Variants in CTNNA2 observed in about 807,000 individuals in gnomAD.
The protein encoded by CTNNA2 is catenin alpha-2.
Under a neutral mutation model 101.0 loss-of-function variants are expected in CTNNA2, and 42 were observed. The observed-to-expected ratio is 0.42, with a 90% CI of 0.32 to 0.54. The LOEUF is 0.54. CTNNA2 is among the 20% of genes least tolerant of loss of function. The pLI is 0.14. For missense variants in CTNNA2, 871 were observed against 1,223.1 expected (o/e 0.71, Z 4.29); for synonymous variants, 450 against 456.4 (o/e 0.99, Z 0.18).
intron 1 of CTNNA2, among the ~76,000 whole-genome samples, chr2:79,620,893 A>G (rs1678954261): frequency 6.6e-6 from 1 of 152,196 alleles, no homozygotes; most frequent in Non-Finnish European, 1.5e-5. Flanking sequence ...TTAAAAATTA[A>G]CCTTTGTGCA....
At chr2:79,888,901 T>C (rs1159905809) in intron 6 of CTNNA2, among the ~76,000 whole-genome samples, 2 of 152,224 alleles carry the variant, frequency 1.3e-5, no homozygotes, top group Admixed American at 6.5e-5. Flanking sequence ...CTATTAGTTA[T>C]ACTTTTTCAA....
At chr2:80,475,116 A>G (rs1685625694) in intron 9 of CTNNA2, among the ~76,000 whole-genome samples, 1 of 152,146 alleles carries the variant, frequency 6.6e-6, no homozygotes, top group Non-Finnish European at 1.5e-5. Context: ...CCTTTTCCAA[A>G]AAATATGATA....
intron 2 of CTNNA2, among the ~76,000 whole-genome samples, chr2:79,292,416 T>G (rs1421770336): frequency 6.6e-6 from 1 of 152,206 alleles, no homozygotes; most frequent in Non-Finnish European, 1.5e-5. Flanking sequence ...CTGATTTTCT[T>G]TCCAAGGCAA....
At chr2:79,416,697 T>G (rs535975895) in intron 4 of CTNNA2, among the ~76,000 whole-genome samples, 1 of 152,210 alleles carries the variant, frequency 6.6e-6, no homozygotes, top group Non-Finnish European at 1.5e-5. Flanking sequence ...GTTAGGGACA[T>G]ATTTAACAGT....
chr2:80,504,828 T>G (rs556233105), intron 9 of CTNNA2, among the ~76,000 whole-genome samples: 2 of 152,356 alleles, frequency 1.3e-5, no homozygotes, highest in South Asian at 4.1e-4. Context: ...GGCCTGTGGC[T>G]CACCTTTCAA....
At chr2:80,514,156 T>C (rs1256776300) in intron 9 of CTNNA2, among the ~76,000 whole-genome samples, 1 of 152,174 alleles carries the variant, frequency 6.6e-6, no homozygotes, top group Non-Finnish European at 1.5e-5. Context: ...TCTCAACCCC[T>C]TTGTTGGACT....
chr2:79,390,338 C>T (rs1027669257), intron 4 of CTNNA2, among the ~76,000 whole-genome samples: 1 of 152,162 alleles, frequency 6.6e-6, no homozygotes, highest in African/African-American at 2.4e-5. Context: ...AAGCATAACA[C>T]ATCTACTCTT....
chr2:79,497,876 C>T (rs751562710), intron 4 of CTNNA2, among the ~76,000 whole-genome samples: 16 of 152,142 alleles, frequency 1.1e-4, no homozygotes, highest in Non-Finnish European at 1.5e-4. Context: ...ACAGAAAACC[C>T]GCTTCCAATT....
At chr2:79,640,386 G>C (rs559189754) in intron 1 of CTNNA2, among the ~76,000 whole-genome samples, 68 of 152,208 alleles carry the variant, frequency 4.5e-4, no homozygotes, top group African/African-American at 1.6e-3. Flanking sequence ...GTGGAAATCA[G>C]AACTGAATCA....
intron 7 of CTNNA2, among the ~76,000 whole-genome samples, chr2:80,352,633 G>T (rs1026110262): frequency 6.6e-6 from 1 of 152,046 alleles, no homozygotes. Context: ...TGGTTGCTTG[G>T]TCCCCAAAAG....
At chr2:80,365,902 C>T (rs1039886601) in intron 7 of CTNNA2, among the ~76,000 whole-genome samples, 10 of 152,132 alleles carry the variant, frequency 6.6e-5, no homozygotes, top group Non-Finnish European at 8.8e-5. Context: ...CCCCTGTGGT[C>T]GGCTGTTATG....
chr2:80,245,822 T>TTTTTTTTTTTTTTTTTTTTTTTTG (rs1558937542), intron 7 of CTNNA2, among the ~76,000 whole-genome samples: 3 of 135,466 alleles, frequency 2.2e-5, no homozygotes, highest in African/African-American at 8.7e-5. Context: ...TTTTTTTTTT[T>TTTTTTTTTTTTTTTTTTTTTTTTG]TGCACTCTGT....
chr2:79,465,015 T>C (rs1291522552), intron 4 of CTNNA2, among the ~76,000 whole-genome samples: 1 of 152,208 alleles, frequency 6.6e-6, no homozygotes, highest in African/African-American at 2.4e-5. Context: ...ATTTTGGCTT[T>C]TGTTGCCATT....
At chr2:80,296,950 T>C (rs1466331662) in intron 7 of CTNNA2, among the ~76,000 whole-genome samples, 2 of 152,142 alleles carry the variant, frequency 1.3e-5, no homozygotes, top group Non-Finnish European at 2.9e-5. Context: ...AAGGAAGAAA[T>C]GCAGATAAAT....
At chr2:80,368,022 A>C (rs1253169075) in intron 7 of CTNNA2, among the ~76,000 whole-genome samples, 1 of 152,184 alleles carries the variant, frequency 6.6e-6, no homozygotes. Context: ...AAATGCATGC[A>C]AAAAATGACT....
chr2:80,214,690 AT>A, intron 7 of CTNNA2, among the ~76,000 whole-genome samples: 1 of 151,500 alleles, frequency 6.6e-6, no homozygotes, highest in East Asian at 2.0e-4. Flanking sequence ...TGCCCTTAAT[AT>A]TTTTTCCTTC....
At chr2:79,960,011 G>C (rs10166024) in intron 7 of CTNNA2, among the ~76,000 whole-genome samples, 21,631 of 152,222 alleles carry the variant, frequency 0.14, 1,865 homozygotes, top group Middle Eastern at 0.29. Context: ...TGGAATTCAA[G>C]TCCTTAGAGT....
In CTNNA2 at chr2:80,098,659, T is replaced by A. The variant is rs890353280; in HGVS notation, c.1056+188862T>A. Among the ~76,000 whole-genome samples the A allele has an allele frequency of 3.1e-4, 47 of 152,326 alleles. 1 individual carries two copies. The highest frequency in any genetic ancestry group is 1.1e-3 in the African/African-American group (44 of 41,584). ...CGAGCTGTGGTGGGGTCCACCCAGT[T>A]CGAGCTTCCTAGCCGCTTTGTTTAC... On this transcript the variant is annotated intron_variant, in intron 7 of 18. Transcript: ENST00000402739.
chr2:79,973,198 T>C (rs972544794), intron 7 of CTNNA2, among the ~76,000 whole-genome samples: 9 of 151,806 alleles, frequency 5.9e-5, no homozygotes, highest in African/African-American at 2.2e-4. Context: ...TATTTTAATT[T>C]CCCTTTCTCT....
Sources: gnomAD v4.1 joint callset for allele counts (sites outside exome capture counted in the v4.1 genomes callset) on GRCh38, gnomAD v4.1.1 for gene constraint, MANE v1.5 for transcripts, NCBI Gene and HGNC (gene_info 2026-07-23, HGNC 2026-07-21) for gene names.